GAN: variants seen among roughly 807,000 people sequenced by gnomAD.
GAN encodes gigaxonin, also known as epididymis secretory sperm binding protein.
In GAN, 48 loss-of-function variants were observed where a neutral mutation model predicts 71.3. The ratio of observed to expected loss-of-function variants is 0.67; its 90% confidence interval spans 0.53 to 0.86. The LOEUF (loss-of-function observed/expected upper bound fraction) is 0.86, where lower values mean the gene tolerates loss of function less well. Ranked by LOEUF, GAN falls within the 40% of genes least tolerant of loss-of-function variation. The pLI is 0.00. For synonymous variants in GAN, 386 were observed against 276.8 expected (o/e 1.39, Z -3.92); for missense variants, 928 against 770.1 (o/e 1.21, Z -2.43).
chr16:81,327,486 C>G (rs1909428712), intron 1 of GAN, among the ~76,000 whole-genome samples: 1 of 152,192 alleles, frequency 6.6e-6, no homozygotes, highest in African/African-American at 2.4e-5. Context: ...GGGGCAGTCT[C>G]TTAAAGTTCA....
At chr16:81,365,174 C>A in intron 8 of GAN, 64 bp downstream of exon 8, 5 of 1,583,040 alleles carry the variant, frequency 3.2e-6, no homozygotes, top group Non-Finnish European at 3.5e-6. Flanking sequence ...GAGCCCCTTA[C>A]CCTGCCTGGC....
At chr16:81,329,714 C>G (rs12444749) in intron 1 of GAN, among the ~76,000 whole-genome samples, 2 of 152,182 alleles carry the variant, frequency 1.3e-5, no homozygotes, top group Admixed American at 1.3e-4. Flanking sequence ...CACCTCTTGT[C>G]CCATGTTCCT....
chr16:81,359,484 T>A (rs1480882045), intron 5 of GAN, among the ~76,000 whole-genome samples: 1 of 152,086 alleles, frequency 6.6e-6, no homozygotes, highest in African/African-American at 2.4e-5. Flanking sequence ...TCTACCAGTT[T>A]GGGACTTACA....
rs1597416183 is a variant in GAN, at chr16:81,381,611, C to G, written c.*4015C>G. The G allele has an allele frequency of 6.6e-6, 1 of 152,392 alleles. No homozygotes were observed. The highest frequency in any genetic ancestry group is 1.9e-4 in the East Asian group (1 of 5,188). The allele number at this position is 152,392 out of a possible 1,614,324, so 9.4% of individuals were successfully genotyped here. A position where few individuals can be genotyped will look rare whatever the true frequency, so the allele number is the denominator to read the frequency against. ...GGAACTGTGCTTGCCATCCTGGGAG[C>G]TGAACAGTGAGGCAGAGGTCACACC... On this transcript the variant is annotated 3_prime_UTR_variant, in exon 11 of 11. Transcript: ENST00000648994.
At chr16:81,326,185 C>G (rs1909379874) in intron 1 of GAN, among the ~76,000 whole-genome samples, 1 of 152,044 alleles carries the variant, frequency 6.6e-6, no homozygotes, top group Non-Finnish European at 1.5e-5. Flanking sequence ...TGTCCAGGGC[C>G]AGGGGCACTC....
At chr16:81,333,156 C>T (rs368947753) in intron 1 of GAN, among the ~76,000 whole-genome samples, 3 of 150,968 alleles carry the variant, frequency 2.0e-5, no homozygotes, top group African/African-American at 4.9e-5. Flanking sequence ...GCAGGAGAAT[C>T]GCTTGAACCC....
chr16:81,345,830 A>C (rs909321525), intron 1 of GAN, among the ~76,000 whole-genome samples: 2 of 152,172 alleles, frequency 1.3e-5, no homozygotes, highest in Non-Finnish European at 2.9e-5. Context: ...GACGCATGCA[A>C]GTTTTCCACA....
intron 7 of GAN, among the ~76,000 whole-genome samples, chr16:81,364,366 A>G (rs1386962411): frequency 1.3e-5 from 2 of 152,112 alleles, no homozygotes; most frequent in Non-Finnish European, 2.9e-5. Flanking sequence ...TTCTGCCTCA[A>G]GCAATCCTCC....
At chr16:81,365,314 A>C in intron 8 of GAN, 36 bp from the exon 9 acceptor site, 1 of 1,613,434 alleles carries the variant, frequency 6.2e-7, no homozygotes, top group Non-Finnish European at 8.5e-7. Flanking sequence ...CGCATTGTAC[A>C]GCTTGTGCCT....
chr16:81,335,746 CA>C (rs55948723), intron 1 of GAN, among the ~76,000 whole-genome samples: 2,305 of 103,382 alleles, frequency 0.022, 28 homozygotes, highest in East Asian at 0.087. Flanking sequence ...GACTCAGTCT[CA>C]AAAAAAAAAA....
chr16:81,361,754 G>T (rs1910679790), intron 5 of GAN, among the ~76,000 whole-genome samples: 2 of 152,160 alleles, frequency 1.3e-5, no homozygotes, highest in Non-Finnish European at 2.9e-5. Context: ...GAGTACAATG[G>T]CATGATCACA....
At position 81,314,979 on chromosome 16, in the gene GAN, C is replaced by A. The variant is rs12599749; in HGVS notation, c.-135C>A. 9.8e-6 allele frequency: 7 copies of A among 717,184 alleles called. No individual in the cohort carries two copies. Among genetic ancestry groups the A allele is most frequent in the Admixed American group, 4.4e-5 (1 of 22,974 alleles). The allele number at this position is 717,184 out of a possible 1,614,324, so 44.4% of individuals were successfully genotyped here. The stretch of plus-strand genomic sequence containing the variant: ...CGCGCCGCGGATAGCACAGGCACGT[C>A]CCGGGGGCTCCAGCTTCTGCTCAGA... On this transcript the variant is annotated 5_prime_UTR_variant, in exon 1 of 11. Coordinates refer to ENST00000648994, the MANE Select transcript of GAN (RefSeq NM_022041.4).
intron 1 of GAN, among the ~76,000 whole-genome samples, chr16:81,329,067 G>A (rs957072280): frequency 1.5e-4 from 23 of 152,096 alleles, no homozygotes; most frequent in Non-Finnish European, 3.1e-4. Context: ...ACATAATGAT[G>A]ATTTACATGC....
intron 7 of GAN, among the ~76,000 whole-genome samples, chr16:81,364,160 T>C (rs1910770191): frequency 6.6e-6 from 1 of 152,134 alleles, no homozygotes. Flanking sequence ...TTGTGGGCCC[T>C]GTGCAGCACC....
At chr16:81,336,180 C>T (rs12929924) in intron 1 of GAN, among the ~76,000 whole-genome samples, 63,428 of 152,100 alleles carry the variant, frequency 0.42, 14,078 homozygotes, top group Middle Eastern at 0.52. Flanking sequence ...AGGCCCCTGG[C>T]ACCCAGTCCA....
At chr16:81,349,372 G>T (rs968425837) in intron 1 of GAN, among the ~76,000 whole-genome samples, 1 of 152,134 alleles carries the variant, frequency 6.6e-6, no homozygotes, top group African/African-American at 2.4e-5. Flanking sequence ...TCATTGGCTG[G>T]GTGCGGTGGC....
intron 1 of GAN, 124 bp downstream of exon 1, chr16:81,315,404 C>A (rs1908999419): frequency 1.6e-6 from 1 of 611,596 alleles, no homozygotes; most frequent in Non-Finnish European, 2.3e-6. Context: ...CCCGCGTCAC[C>A]GTTGGCGCGG....
At chr16:81,326,363 C>CAAA (rs66769713) in intron 1 of GAN, among the ~76,000 whole-genome samples, 2 of 138,720 alleles carry the variant, frequency 1.4e-5, no homozygotes, top group Admixed American at 7.1e-5. Flanking sequence ...ACTAAAAATA[C>CAAA]AAAAAAAAAA....
chr16:81,361,177 A>T (rs1291443571), intron 5 of GAN, among the ~76,000 whole-genome samples: 2 of 152,278 alleles, frequency 1.3e-5, no homozygotes, highest in African/African-American at 4.8e-5. Flanking sequence ...GTGATCTGTG[A>T]TTGCACCACT....
Sources: gnomAD v4.1 joint callset for allele counts (sites outside exome capture counted in the v4.1 genomes callset) on GRCh38, gnomAD v4.1.1 for gene constraint, MANE v1.5 for transcripts, NCBI Gene and HGNC (gene_info 2026-07-23, HGNC 2026-07-21) for gene names.